MPRIP: variants seen among roughly 807,000 people sequenced by gnomAD.
MPRIP encodes the protein myosin phosphatase Rho interacting protein, also known as myosin phosphatase Rho-interacting protein.
In MPRIP, 59 loss-of-function variants were observed where a neutral mutation model predicts 234.9. That is an observed-to-expected ratio of 0.25 (90% CI 0.20 to 0.31). The LOEUF is 0.31. Among genes scored for constraint, MPRIP ranks in the 10% least tolerant of loss-of-function variants. MPRIP has a pLI of 1.00. For missense variants in MPRIP, 2,436 were observed against 3,071.0 expected (o/e 0.79, Z 4.89); for synonymous variants, 1,144 against 1,263.9 (o/e 0.91, Z 2.01).
In MPRIP at chr17:17,165,666, G is replaced by A. The variant is rs1294843456; in HGVS notation, c.4075G>A (p.Glu1359Lys). Residue 1359 changes from glutamate (E) to lysine (K), a missense_variant, in exon 16 of 24, where the codon GAA becomes AAA. Glu to Lys is a moderately conservative substitution (Grantham distance 56). Coordinates refer to ENST00000651222, the MANE Select transcript of MPRIP (RefSeq NM_001364716.4). ...CAGCCAGGACCGGTCACCCTCGGAA[G>A]AAAGCATGTCCTCAGAGCCTGCACC... ...DTSQDRSPSE[E>K]SMSSEPAPSV... 7.7e-7 allele frequency: 1 copy of A among 1,305,134 alleles called. No homozygotes were observed. Among genetic ancestry groups the A allele is most frequent in the South Asian group, 1.2e-5 (1 of 81,028 alleles). The allele number at this position is 1,305,134 out of a possible 1,614,324, so 80.8% of individuals were successfully genotyped here.
rs2046602831 is a variant in MPRIP, at chr17:17,192,259, A to G, written c.*7365A>G. 1 of 152,152 alleles carries G rather than the reference A, an allele frequency of 6.6e-6. No homozygotes were observed. The highest frequency in any genetic ancestry group is 1.5e-5 in the Non-Finnish European group (1 of 68,026). 9.4% of individuals were successfully genotyped at this position (152,152 alleles called of 1,614,324 possible). A position where few individuals can be genotyped will look rare whatever the true frequency, so the allele number is the denominator to read the frequency against. On this transcript the variant is annotated 3_prime_UTR_variant, in exon 24 of 24. Coordinates refer to ENST00000651222, the MANE Select transcript of MPRIP (RefSeq NM_001364716.4). ...CTAATGCTAAGTGGTAACGCTTAAC[A>G]AACAGACTAAAAGCTGTGTGCAGAA...
intron 3 of MPRIP, among the ~76,000 whole-genome samples, chr17:17,110,554 A>G (rs1411581734): frequency 2.6e-5 from 4 of 152,188 alleles, no homozygotes; most frequent in African/African-American, 7.2e-5. Context: ...ACTTCCTTCC[A>G]GAGAGCACAG....
At chr17:17,043,803 C>T (rs1035626870) in intron 1 of MPRIP, among the ~76,000 whole-genome samples, 7 of 152,168 alleles carry the variant, frequency 4.6e-5, no homozygotes, top group Admixed American at 2.0e-4. Context: ...CCTAGTGTTC[C>T]AGGATTCCGA....
At chr17:17,058,720 G>A (rs940385327) in intron 1 of MPRIP, among the ~76,000 whole-genome samples, 1 of 152,220 alleles carries the variant, frequency 6.6e-6, no homozygotes, top group Non-Finnish European at 1.5e-5. Context: ...TTTCCAGATG[G>A]ACCATATGTA....
intron 4 of MPRIP, 48 bp downstream of exon 4, chr17:17,126,901 G>A: frequency 6.3e-7 from 1 of 1,590,510 alleles, no homozygotes; most frequent in Non-Finnish European, 8.6e-7. Flanking sequence ...CTGCCACAGG[G>A]CCAACACCAG....
chr17:17,096,909 A>ACT, intron 3 of MPRIP: 1 of 425,958 alleles, frequency 2.3e-6, no homozygotes, highest in Admixed American at 2.6e-5. Flanking sequence ...GTCTTCTAGA[A>ACT]TCTCGTCGGC....
chr17:17,165,931 TGGA>T lies in MPRIP; in HGVS notation c.4342_4344del (p.Glu1448del), dbSNP rs764029576. 52 of 1,304,012 alleles carry T rather than the reference TGGA, an allele frequency of 4.0e-5. No homozygotes were observed. The highest frequency in any genetic ancestry group is 5.1e-5 in the Non-Finnish European group (50 of 988,886). 80.8% of individuals were successfully genotyped at this position (1,304,012 alleles called of 1,614,324 possible). A position where few individuals can be genotyped will look rare whatever the true frequency, so the allele number is the denominator to read the frequency against. ...CAGGTTGGCGCACTGGCCTCCCAGC[TGGA>T]GCAGGAGAGGCAGGAGAGGGCCAGG... is the stretch of plus-strand genomic sequence containing the variant. On this transcript the variant is annotated inframe_deletion, in exon 16 of 24. Coordinates refer to ENST00000651222, the MANE Select transcript of MPRIP (RefSeq NM_001364716.4).
intron 3 of MPRIP, among the ~76,000 whole-genome samples, chr17:17,079,475 T>C (rs1156769497): frequency 6.6e-6 from 1 of 152,230 alleles, no homozygotes; most frequent in African/African-American, 2.4e-5. Context: ...GGATTAGACT[T>C]CACACTTCGT....
chr17:17,113,654 A>G (rs1181757415), intron 3 of MPRIP, among the ~76,000 whole-genome samples: 2 of 152,154 alleles, frequency 1.3e-5, no homozygotes, highest in Non-Finnish European at 2.9e-5. Flanking sequence ...TCCTCTGGGT[A>G]TATACCTACA....
In MPRIP at chr17:17,042,866, G is replaced by C; in HGVS notation, c.18G>C (p.Glu6Asp). The C allele has an allele frequency of 6.3e-7, 1 of 1,596,546 alleles. No individual in the cohort carries two copies. The highest frequency in any genetic ancestry group is 8.5e-7 in the Non-Finnish European group (1 of 1,172,534). Residue 6 changes from glutamate to aspartate, a missense_variant, in exon 1 of 24, where the codon GAG becomes GAC. Physicochemically the swap from Glu to Asp is conservative, Grantham distance 45. Around this residue, in one of 4 missense-constraint regions of MPRIP, gnomAD observed 140 missense variants for 207.3 expected, o/e 0.68. Transcript: ENST00000651222. ...CGCCGACCATGTCGGCAGCCAAGGA[G>C]AACCCGTGCAGGAAATTCCAGGCCA... MSAAK[E>D]NPCRKFQANI... is the part of the protein sequence containing the mutation.
At chr17:17,054,105 A>T (rs1180687223) in intron 1 of MPRIP, among the ~76,000 whole-genome samples, 1 of 152,254 alleles carries the variant, frequency 6.6e-6, no homozygotes, top group Non-Finnish European at 1.5e-5. Flanking sequence ...TAAACATGGA[A>T]ATACATGTGA....
At chr17:17,170,151 A>G (rs2046099472) in intron 16 of MPRIP, 1 of 151,680 alleles carries the variant, frequency 6.6e-6, no homozygotes, top group Non-Finnish European at 1.5e-5. Flanking sequence ...GCCCCTTTAC[A>G]AGGATGACAC....
intron 1 of MPRIP, among the ~76,000 whole-genome samples, chr17:17,046,833 TAGACA>T: frequency 6.6e-6 from 1 of 152,368 alleles, no homozygotes; most frequent in Middle Eastern, 3.4e-3. Context: ...AAGGCAGCCG[TAGACA>T]ACACATTAAC....
intron 1 of MPRIP, among the ~76,000 whole-genome samples, chr17:17,049,491 AT>A (rs2088463857): frequency 6.6e-6 from 1 of 152,080 alleles, no homozygotes; most frequent in Admixed American, 6.5e-5. Context: ...TGAATATCTG[AT>A]TGTTTCTAGA....
intron 1 of MPRIP, among the ~76,000 whole-genome samples, chr17:17,051,768 G>A (rs2088549252): frequency 6.6e-6 from 1 of 152,222 alleles, no homozygotes; most frequent in South Asian, 2.1e-4. Context: ...CTGGAAGCTG[G>A]AACTGAAATC....
At chr17:17,141,407 G>A (rs1567744770) in intron 7 of MPRIP, 1 of 152,276 alleles carries the variant, frequency 6.6e-6, no homozygotes. Flanking sequence ...TCCGCTGCTG[G>A]TTCTAGCAGG....
At chr17:17,107,378 T>G (rs1173768361) in intron 3 of MPRIP, among the ~76,000 whole-genome samples, 2 of 152,188 alleles carry the variant, frequency 1.3e-5, no homozygotes, top group Non-Finnish European at 2.9e-5. Context: ...CTGCCAGGTT[T>G]GGGTAGATGT....
chr17:17,142,939 A>T (rs937689557), intron 8 of MPRIP, among the ~76,000 whole-genome samples, 174 bp downstream of exon 8: 1 of 152,120 alleles, frequency 6.6e-6, no homozygotes, highest in African/African-American at 2.4e-5. Context: ...CTGCAGCTTC[A>T]TATCAGAGCC....
chr17:17,158,751 C>G lies in MPRIP; in HGVS notation c.2149C>G (p.Leu717Val), dbSNP rs138508481. ...REERRKRFGM[L>V]DATDGPGTED... Reference sequence around the variant, plus strand: ...GGAGCGCCGCAAGCGCTTCGGGATGCTCGACGCCACAGACGGGCCAGGCAC... The same window carrying G: ...GGAGCGCCGCAAGCGCTTCGGGATGGTCGACGCCACAGACGGGCCAGGCAC... Residue 717 changes from leucine to valine, a missense_variant, in exon 14 of 24, where the codon CTC (leucine) becomes GTC (valine). Transcript: ENST00000651222. 3,015 of 1,611,424 alleles carry G rather than the reference C, an allele frequency of 1.9e-3. 7 individuals carry two copies. The highest frequency in any genetic ancestry group is 2.0e-3 in the Non-Finnish European group (2,328 of 1,179,834).
Sources: allele counts gnomAD v4.1 joint callset (sites outside exome capture counted in the v4.1 genomes callset), GRCh38; gene constraint gnomAD v4.1.1; regional missense constraint gnomAD v4.1.1; transcripts MANE v1.5; gene names NCBI Gene and HGNC (gene_info 2026-07-23, HGNC 2026-07-21).